FHIP2A: variants seen among roughly 807,000 people sequenced by gnomAD.
FHIP2A encodes family with sequence similarity 160 member B1.
A neutral mutation model predicts 93.5 loss-of-function variants in FHIP2A; 46 were observed. The observed-to-expected ratio is 0.49, with a 90% CI of 0.39 to 0.63. The LOEUF (loss-of-function observed/expected upper bound fraction) is 0.63. FHIP2A is among the 20% of genes least tolerant of loss of function. The pLI, the probability that FHIP2A is intolerant of heterozygous loss-of-function variation, is 0.00. For synonymous variants in FHIP2A, 332 were observed against 326.5 expected (o/e 1.02, Z -0.18); for missense variants, 769 against 909.7 (o/e 0.85, Z 1.99).
chr10:114,884,651 G>A (rs928429563), intron 16 of FHIP2A, among the ~76,000 whole-genome samples: 10 of 152,154 alleles, frequency 6.6e-5, no homozygotes, highest in Non-Finnish European at 1.5e-4. Flanking sequence ...GGTGGCTCAC[G>A]CCTGTAATCC....
At chr10:114,887,753 T>G (rs533296753) in intron 16 of FHIP2A, among the ~76,000 whole-genome samples, 1 of 152,348 alleles carries the variant, frequency 6.6e-6, no homozygotes, top group African/African-American at 2.4e-5. Flanking sequence ...TGTTTACATA[T>G]ACAAGGCATT....
intron 14 of FHIP2A, among the ~76,000 whole-genome samples, chr10:114,859,499 C>T (rs1291900432): frequency 6.6e-6 from 1 of 152,206 alleles, no homozygotes; most frequent in Admixed American, 6.5e-5. Flanking sequence ...CTCCACTGTG[C>T]TGCAGTGTCT....
intron 16 of FHIP2A, among the ~76,000 whole-genome samples, chr10:114,875,851 GAAAA>G (rs36026614): frequency 3.6e-5 from 4 of 112,378 alleles, no homozygotes; most frequent in East Asian, 2.5e-4. Flanking sequence ...AAGAAAGAAA[GAAAA>G]AGAAAGAAAG....
At chr10:114,857,314 CT>C (rs78583275) in intron 14 of FHIP2A, among the ~76,000 whole-genome samples, 42 of 120,610 alleles carry the variant, frequency 3.5e-4, no homozygotes, top group Admixed American at 6.0e-4. Flanking sequence ...ATTTCTTCTT[CT>C]TTTTTTTTTT....
At position 114,899,399 on chromosome 10, in the gene FHIP2A, A is replaced by C. The variant is rs2084016006; in HGVS notation, c.2193-91A>C. The C allele has an allele frequency of 4.3e-6, 3 of 702,992 alleles. No homozygotes were observed. In the South Asian group the frequency reaches 4.6e-5, roughly 11 times the overall value. The allele number at this position is 702,992 out of a possible 1,614,324, so 43.5% of individuals were successfully genotyped here. On this transcript the variant is annotated intron_variant, in intron 16 of 16. Transcript: ENST00000369250. ...ATAGTTGAAAGTCCAGGAGTTGGTTAAGCACATAGTTAGATCCGTATGCTC... is the reference window on the plus strand; with the variant it reads ...ATAGTTGAAAGTCCAGGAGTTGGTTCAGCACATAGTTAGATCCGTATGCTC...
chr10:114,837,143 A>G (rs1334588149), intron 5 of FHIP2A, among the ~76,000 whole-genome samples: 1 of 152,116 alleles, frequency 6.6e-6, no homozygotes, highest in Non-Finnish European at 1.5e-5. Flanking sequence ...AGCTCAAGTG[A>G]TCCTCCTGCC....
intron 16 of FHIP2A, among the ~76,000 whole-genome samples, chr10:114,872,498 C>G (rs7074729): frequency 0.32 from 48,508 of 152,124 alleles, 8,325 homozygotes; most frequent in South Asian, 0.39. Context: ...GAGCCTCTCA[C>G]TGCTCTGTTT....
intron 2 of FHIP2A, among the ~76,000 whole-genome samples, chr10:114,832,442 G>A (rs2083612810): frequency 1.3e-5 from 2 of 152,040 alleles, no homozygotes; most frequent in Non-Finnish European, 2.9e-5. Context: ...TAACGTAGTA[G>A]CAATCCAAAA....
In FHIP2A at chr10:114,864,313, C is replaced by T. The variant is rs890001693; in HGVS notation, c.*2773C>T. The T allele has an allele frequency of 1.0e-6, 1 of 985,144 alleles. No individual in the cohort carries two copies. The allele number at this position is 985,144 out of a possible 1,614,324, so 61.0% of individuals were successfully genotyped here. On this transcript the variant is annotated 3_prime_UTR_variant, in exon 17 of 17. Coordinates refer to ENST00000369248, the MANE Select transcript of FHIP2A (RefSeq NM_020940.4). The stretch of plus-strand genomic sequence containing the variant: ...CCATCAGTATTGACAGAAGACGTTA[C>T]AGTGAAGTGCTAAAACCACACTATA...
At chr10:114,870,394 TA>T (rs2083853790) in intron 16 of FHIP2A, among the ~76,000 whole-genome samples, 1 of 151,960 alleles carries the variant, frequency 6.6e-6, no homozygotes, top group Non-Finnish European at 1.5e-5. Context: ...TATATATATA[TA>T]TATCTTTTAC....
In FHIP2A at chr10:114,862,471, A is replaced by T. The variant is rs1343819678; in HGVS notation, c.*931A>T. The T allele has an allele frequency of 1.0e-6, 1 of 987,456 alleles. No homozygotes were observed. Among genetic ancestry groups the T allele is most frequent in the African/African-American group, 1.7e-5 (1 of 57,304 alleles). 61.2% of individuals were successfully genotyped at this position (987,456 alleles called of 1,614,324 possible). On this transcript the variant is annotated 3_prime_UTR_variant, in exon 17 of 17. Transcript: ENST00000369248. The stretch of plus-strand genomic sequence containing the variant: ...GAACTGACTGATAACCCTTGGCAGC[A>T]ATCAAAGTGCCAGTGGCTCCTCGAT...
chr10:114,831,446 C>T (rs2083607393), intron 2 of FHIP2A, among the ~76,000 whole-genome samples: 1 of 152,136 alleles, frequency 6.6e-6, no homozygotes, highest in Non-Finnish European at 1.5e-5. Context: ...CACAAACCCT[C>T]AGGCCAGAGC....
At chr10:114,895,436 C>T (rs186746402) in intron 16 of FHIP2A, among the ~76,000 whole-genome samples, 2 of 152,292 alleles carry the variant, frequency 1.3e-5, no homozygotes, top group Admixed American at 6.5e-5. Context: ...CTTAATAGGG[C>T]CATTTATCAT....
chr10:114,831,804 GA>G (rs1282352875), intron 2 of FHIP2A, among the ~76,000 whole-genome samples: 1 of 152,198 alleles, frequency 6.6e-6, no homozygotes, highest in East Asian at 1.9e-4. Flanking sequence ...TCATCCAGCT[GA>G]AAGTGACAGA....
At chr10:114,849,576 TA>T (rs1387404394) in intron 13 of FHIP2A, among the ~76,000 whole-genome samples, 1 of 152,258 alleles carries the variant, frequency 6.6e-6, no homozygotes, top group Non-Finnish European at 1.5e-5. Context: ...TTAAAAATTG[TA>T]TTAAAAATTC....
intron 5 of FHIP2A, among the ~76,000 whole-genome samples, chr10:114,838,482 G>A (rs1234989634): frequency 6.6e-6 from 1 of 152,014 alleles, no homozygotes; most frequent in Non-Finnish European, 1.5e-5. Flanking sequence ...GATTTCTAAA[G>A]ATTTATAATG....
chr10:114,875,910 GAGAAAGAAAGAA>G lies in FHIP2A; in HGVS notation c.2192+14588_2192+14599del, dbSNP rs77786368. ...AAAGAGAGAGAAAGAAATAAAGAAA[GAGAAAGAAAGAA>G]AGAAAGAAAGAGAAAGAAAAAGAAC... On this transcript the variant is annotated intron_variant, in intron 16 of 16. Coordinates refer to the FHIP2A transcript ENST00000369250. 1.3e-4 allele frequency among the ~76,000 whole-genome samples: 10 copies of G among 74,730 alleles called. 1 individual carries two copies. The highest frequency in any genetic ancestry group is 4.9e-4 in the African/African-American group (10 of 20,598). The allele number at this position is 74,730 out of a possible 152,430, so 49.0% of individuals were successfully genotyped here. A position where few individuals can be genotyped will look rare whatever the true frequency, so the allele number is the denominator to read the frequency against.
At chr10:114,891,533 ATATATGTG>A (rs1194766434) in intron 16 of FHIP2A, among the ~76,000 whole-genome samples, 3 of 122,910 alleles carry the variant, frequency 2.4e-5, no homozygotes, top group African/African-American at 1.2e-4. Flanking sequence ...GAATATATAT[ATATATGTG>A]TGTGTGTGTG....
Position 114,846,183 on chromosome 10 carries a change from T to C in FHIP2A, c.1214T>C (p.Met405Thr). ...MEPQLMQTSE[M>T]GILTSTALLH... ...CTGTTCATTGTGCTCAGTTCTGAGA[T>C]GGGTATTCTCACATCCACTGCTCTG... Residue 405 changes from methionine (M) to threonine (T), a missense_variant, in exon 10 of 17, where the codon ATG becomes ACG. Physicochemically the swap from Met to Thr is moderately conservative, Grantham distance 81. Transcript: ENST00000369248. 1 of 1,614,118 alleles carries C rather than the reference T, an allele frequency of 6.2e-7. No individual in the cohort carries two copies. Among genetic ancestry groups the C allele is most frequent in the Non-Finnish European group, 8.5e-7 (1 of 1,179,958 alleles).
Sources: gnomAD v4.1 joint callset for allele counts (sites outside exome capture counted in the v4.1 genomes callset) on GRCh38, gnomAD v4.1.1 for gene constraint, MANE v1.5 for transcripts, NCBI Gene and HGNC (gene_info 2026-07-23, HGNC 2026-07-21) for gene names.